Variants in SPECC1 observed in about 807,000 individuals in gnomAD.
SPECC1 encodes the protein cytospin-B.
Under a neutral mutation model 104.1 loss-of-function variants are expected in SPECC1, and 62 were observed. The observed-to-expected ratio is 0.60, with a 90% CI of 0.49 to 0.74. The LOEUF is 0.74. Among genes scored for constraint, SPECC1 ranks in the 30% least tolerant of loss-of-function variants. The pLI, the probability that SPECC1 is intolerant of heterozygous loss-of-function variation, is 0.00. For missense variants in SPECC1, 1,306 were observed against 1,310.5 expected (o/e 1.00, Z 0.05); for synonymous variants, 513 against 501.6 (o/e 1.02, Z -0.30).
rs761861967 is a variant in SPECC1, at chr17:20,205,770, C to T, written c.1721C>T (p.Thr574Met). 1.4e-5 allele frequency: 23 copies of T among 1,614,002 alleles called. No homozygotes were observed. The highest frequency in any genetic ancestry group is 2.7e-5 in the African/African-American group (2 of 74,914). Residue 574 changes from threonine (T) to methionine (M), a missense_variant, in exon 4 of 15, where the codon ACG (threonine) becomes ATG (methionine). This residue lies in a region of SPECC1 where 1,177 missense variants were observed against 1,139.9 expected (regional missense o/e 1.03). Transcript: ENST00000395527. ...KATEASAVEQ[T>M]AESCEVQEML... ...ACAGAGGCCAGTGCTGTGGAGCAGA[C>T]GGCAGAGAGCTGCGAAGTTCAAGAA...
chr17:20,227,380 T>C lies in SPECC1; in HGVS notation c.1864-33T>C, dbSNP rs1396722405. On this transcript the variant is annotated intron_variant, in intron 4 of 14. Transcript: ENST00000395527. The stretch of plus-strand genomic sequence containing the variant: ...GATCACTGTGGGAATTTTTTTGTTG[T>C]TAACTGACCAAGGAACCTTCCTTTT... 5 of 1,591,852 alleles carry C rather than the reference T, an allele frequency of 3.1e-6. No homozygotes were observed. In the Admixed American group the frequency reaches 7.0e-5, roughly 22 times the overall value.
At chr17:20,263,765 AT>A (rs1212524962) in intron 12 of SPECC1, among the ~76,000 whole-genome samples, 1 of 152,150 alleles carries the variant, frequency 6.6e-6, no homozygotes, top group Admixed American at 6.5e-5. Flanking sequence ...TGAAAAGACA[AT>A]TCACGTTTTC....
chr17:20,165,235 T>TC (rs2033549004), intron 3 of SPECC1, among the ~76,000 whole-genome samples: 1 of 152,046 alleles, frequency 6.6e-6, no homozygotes, highest in South Asian at 2.1e-4. Context: ...TGTGTGTTGT[T>TC]CCCCCCACCC....
intron 3 of SPECC1, among the ~76,000 whole-genome samples, chr17:20,200,086 A>C (rs1253505584): frequency 6.6e-6 from 1 of 152,168 alleles, no homozygotes; most frequent in Non-Finnish European, 1.5e-5. Context: ...GTGATATCTC[A>C]TTGTGGTTTT....
chr17:20,231,494 G>A (rs750596300), intron 5 of SPECC1, among the ~76,000 whole-genome samples: 2 of 152,182 alleles, frequency 1.3e-5, no homozygotes, highest in Admixed American at 1.3e-4. Flanking sequence ...ATTTGGTTGT[G>A]CATTCTGTCT....
At chr17:20,116,883 A>C (rs1363053179) in intron 3 of SPECC1, among the ~76,000 whole-genome samples, 2 of 139,110 alleles carry the variant, frequency 1.4e-5, no homozygotes, top group Non-Finnish European at 3.0e-5. Flanking sequence ...TAGAAGCCAG[A>C]GATACTAAAC....
At chr17:20,016,400 G>A (rs1245136952) in intron 1 of SPECC1, among the ~76,000 whole-genome samples, 4 of 152,192 alleles carry the variant, frequency 2.6e-5, no homozygotes, top group Non-Finnish European at 5.9e-5. Flanking sequence ...GCTGCACTGT[G>A]GGAGCCCCTT....
chr17:20,311,023 C>T (rs2041914130), intron 14 of SPECC1, among the ~76,000 whole-genome samples: 1 of 151,758 alleles, frequency 6.6e-6, no homozygotes, highest in South Asian at 2.1e-4. Flanking sequence ...CAGGCAGCTC[C>T]AGAGCGCATG....
At chr17:20,136,208 G>A (rs771755958) in intron 3 of SPECC1, among the ~76,000 whole-genome samples, 10 of 152,012 alleles carry the variant, frequency 6.6e-5, no homozygotes, top group African/African-American at 1.9e-4. Flanking sequence ...GGCAGATCAC[G>A]AGGTCAGGAG....
intron 3 of SPECC1, among the ~76,000 whole-genome samples, chr17:20,132,555 C>CTT (rs148375212): frequency 2.2e-5 from 3 of 138,284 alleles, no homozygotes; most frequent in Admixed American, 7.3e-5. Flanking sequence ...TTTTTTTTGG[C>CTT]TTTTTTTTTT....
intron 3 of SPECC1, among the ~76,000 whole-genome samples, chr17:20,142,524 T>C (rs2030944116): frequency 6.6e-6 from 1 of 152,196 alleles, no homozygotes; most frequent in Non-Finnish European, 1.5e-5. Flanking sequence ...TGCTACAGCA[T>C]GTGCTACCTC....
At chr17:20,236,827 T>A in intron 7 of SPECC1, 1 of 1,613,814 alleles carries the variant, frequency 6.2e-7, no homozygotes, top group Non-Finnish European at 8.5e-7. Flanking sequence ...GTAACTCCTT[T>A]ACAGCCTCTC....
At chr17:20,299,576 A>AG (rs2041498266) in intron 13 of SPECC1, among the ~76,000 whole-genome samples, 2 of 117,842 alleles carry the variant, frequency 1.7e-5, no homozygotes, top group African/African-American at 6.1e-5. Flanking sequence ...AAAAAAAAAA[A>AG]AAAGAAAAGA....
chr17:20,034,853 C>A (rs1321431226), intron 1 of SPECC1, among the ~76,000 whole-genome samples: 1 of 152,116 alleles, frequency 6.6e-6, no homozygotes, highest in East Asian at 1.9e-4. Context: ...GATCCACCTG[C>A]CTTGGCCTCC....
chr17:20,139,086 G>A (rs1192008905), intron 3 of SPECC1, among the ~76,000 whole-genome samples: 3 of 152,348 alleles, frequency 2.0e-5, no homozygotes, highest in East Asian at 3.9e-4. Context: ...AAGTGGAGGA[G>A]CTATGGAGTG....
intron 11 of SPECC1, among the ~76,000 whole-genome samples, chr17:20,259,674 T>G (rs1332411620): frequency 6.6e-6 from 1 of 151,812 alleles, no homozygotes; most frequent in East Asian, 1.9e-4. Context: ...CCCAGCTAAT[T>G]TTTTTATTTT....
intron 3 of SPECC1, among the ~76,000 whole-genome samples, chr17:20,133,176 T>TAAGAGA (rs2049746313): frequency 6.6e-6 from 1 of 152,222 alleles, no homozygotes; most frequent in African/African-American, 2.4e-5. Flanking sequence ...TTGTCAATTT[T>TAAGAGA]ATAATTTTTT....
At chr17:20,160,484 A>C (rs2033037898) in intron 3 of SPECC1, among the ~76,000 whole-genome samples, 1 of 152,206 alleles carries the variant, frequency 6.6e-6, no homozygotes, top group African/African-American at 2.4e-5. Flanking sequence ...AGCAGAGAGC[A>C]TGCATATTGG....
intron 3 of SPECC1, among the ~76,000 whole-genome samples, chr17:20,195,075 T>G (rs1167789846): frequency 6.6e-6 from 1 of 152,222 alleles, no homozygotes; most frequent in African/African-American, 2.4e-5. Context: ...TGAATTTAGG[T>G]AACTCCTGTT....
Sources: gnomAD v4.1 joint callset for allele counts (sites outside exome capture counted in the v4.1 genomes callset) on GRCh38, gnomAD v4.1.1 for gene constraint, gnomAD v4.1.1 regional missense constraint, MANE v1.5 for transcripts, NCBI Gene and HGNC (gene_info 2026-07-23, HGNC 2026-07-21) for gene names.